The following GOLGA4 variants were observed in gnomAD, a reference collection of about 807,000 sequenced individuals.
GOLGA4 encodes golgin A4.
A neutral mutation model predicts 265.9 loss-of-function variants in GOLGA4; 169 were observed. That is an observed-to-expected ratio of 0.64 (90% confidence interval 0.56 to 0.72). The LOEUF is 0.72. Among genes scored for constraint, GOLGA4 ranks in the 30% least tolerant of loss-of-function variants. The pLI is 0.00. For missense variants in GOLGA4, 2,482 were observed against 2,483.4 expected (o/e 1.00, Z 0.01); for synonymous variants, 923 against 855.8 (o/e 1.08, Z -1.37).
chr3:37,326,153 ACT>A lies in GOLGA4; in HGVS notation c.4270_4271del (p.Leu1424GlufsTer2), dbSNP rs770084545. 3 of 1,613,360 alleles carry A rather than the reference ACT, an allele frequency of 1.9e-6. No individual in the cohort carries two copies. The highest frequency in any genetic ancestry group is 2.5e-6 in the Non-Finnish European group (3 of 1,179,576). ...GCAAGATTTATCTTTTAAAGTTGAC[ACT>A]CTGAGTAAAGAGAAAATTTCTGCTC... The part of the protein sequence containing the change: ...QVQDLSFKVD[T>X]LSKEKISALE... On this transcript the variant is annotated frameshift_variant, in exon 14 of 24. Coordinates refer to ENST00000361924, the MANE Select transcript of GOLGA4 (RefSeq NM_002078.5). LOFTEE classifies it high-confidence loss of function.
rs573397868 is a variant in GOLGA4 at position 37,319,282 on chromosome 3, A to C, written c.1545+88A>C. 22 of 1,058,678 alleles carry C rather than the reference A, an allele frequency of 2.1e-5. No homozygotes were observed. The East Asian group carries it at 5.0e-4, about 24-fold the overall frequency. The allele number at this position is 1,058,678 out of a possible 1,614,324, so 65.6% of individuals were successfully genotyped here. A position where few individuals can be genotyped will look rare whatever the true frequency, so the allele number is the denominator to read the frequency against. On this transcript the variant is annotated intron_variant, in intron 12 of 23. Transcript: ENST00000361924. ...CTCTCACTGTTGCATTCCAGTTGGA[A>C]GTCAGACTACTGGCAGTCTTGACGT...
intron 7 of GOLGA4, among the ~76,000 whole-genome samples, chr3:37,297,686 A>G (rs1171682373): frequency 2.0e-5 from 3 of 152,134 alleles, no homozygotes; most frequent in Non-Finnish European, 4.4e-5. Context: ...TTAGCTGACT[A>G]GGGTTGTCCC....
At chr3:37,327,928 C>T in intron 14 of GOLGA4, 103 bp downstream of exon 14, 1 of 890,538 alleles carries the variant, frequency 1.1e-6, no homozygotes, top group Non-Finnish European at 1.7e-6. Context: ...GGATAAGTTT[C>T]ACCAACCCAA....
intron 23 of GOLGA4, among the ~76,000 whole-genome samples, chr3:37,364,592 CTT>C (rs554906288): frequency 1.2e-3 from 155 of 128,170 alleles, no homozygotes; most frequent in Admixed American, 1.3e-3. Context: ...TATGTCATAG[CTT>C]TTTTTTTTTT....
chr3:37,315,177 C>T (rs2096934118), intron 10 of GOLGA4, among the ~76,000 whole-genome samples: 1 of 152,174 alleles, frequency 6.6e-6, no homozygotes, highest in Admixed American at 6.5e-5. Flanking sequence ...AACTTCTAAG[C>T]TTAGGCTCAT....
chr3:37,300,353 G>GTTCTTTAATATGCCGGGT (rs2096889442), intron 9 of GOLGA4, among the ~76,000 whole-genome samples: 1 of 152,142 alleles, frequency 6.6e-6, no homozygotes, highest in South Asian at 2.1e-4. Flanking sequence ...TATCACTAGA[G>GTTCTTTAATATGCCGGGT]TATTTTAAGT....
At chr3:37,283,739 C>G (rs575250179) in intron 3 of GOLGA4, among the ~76,000 whole-genome samples, 21 of 152,224 alleles carry the variant, frequency 1.4e-4, no homozygotes, top group African/African-American at 3.9e-4. Flanking sequence ...GTTGCCCAGC[C>G]TGGTCTTGAA....
intron 22 of GOLGA4, among the ~76,000 whole-genome samples, chr3:37,360,431 T>C (rs553827776): frequency 6.6e-6 from 1 of 152,300 alleles, no homozygotes; most frequent in Non-Finnish European, 1.5e-5. Flanking sequence ...GTTGCACATA[T>C]TATTTTCTAG....
At chr3:37,307,008 C>A (rs1453307338) in intron 10 of GOLGA4, among the ~76,000 whole-genome samples, 1 of 152,146 alleles carries the variant, frequency 6.6e-6, no homozygotes, top group African/African-American at 2.4e-5. Context: ...ACCCATGCCA[C>A]AATGTTAATC....
At chr3:37,256,880 C>T (rs1449670824) in intron 2 of GOLGA4, among the ~76,000 whole-genome samples, 2 of 152,072 alleles carry the variant, frequency 1.3e-5, no homozygotes, top group African/African-American at 4.8e-5. Context: ...GGCTGGCCTC[C>T]AACTCCTGGG....
chr3:37,286,579 C>G (rs2096850107), intron 4 of GOLGA4, among the ~76,000 whole-genome samples: 1 of 152,154 alleles, frequency 6.6e-6, no homozygotes, highest in African/African-American at 2.4e-5. Flanking sequence ...GATTTTACCT[C>G]TGTTAAGGAT....
At chr3:37,343,207 C>T (rs1420666591) in intron 20 of GOLGA4, among the ~76,000 whole-genome samples, 1 of 152,224 alleles carries the variant, frequency 6.6e-6, no homozygotes, top group Non-Finnish European at 1.5e-5. Context: ...CCGCAACCTC[C>T]ACCTCCCGGG....
intron 11 of GOLGA4, 36 bp downstream of exon 11, chr3:37,315,634 A>T (rs1183556907): frequency 8.5e-6 from 13 of 1,532,508 alleles, no homozygotes; most frequent in Non-Finnish European, 1.2e-5. Flanking sequence ...GGCTACAACA[A>T]ATTTGAAATT....
rs757843786 is a variant in GOLGA4 at position 37,316,800 on chromosome 3, A to AT, written c.1413+1211dup. ...CTGTGTATATAATTTCTCTTCTCTG[A>AT]TTTTTTTTTCTTTTCCTTATAGATG... On this transcript the variant is annotated intron_variant, in intron 11 of 23. Transcript: ENST00000361924. Among the ~76,000 whole-genome samples the AT allele has an allele frequency of 4.3e-4, 64 of 150,532 alleles. No individual in the cohort carries two copies. The East Asian group carries it at 8.6e-3, about 20-fold the overall frequency.
rs757953462 is a variant in GOLGA4, at chr3:37,315,515, A to G, written c.1330A>G (p.Ile444Val). ...AGAAATGGATGAACAAATAAAAACTATCGAAAAAACAAGTGAGGAGGAACG... is the reference window on the plus strand; with the variant it reads ...AGAAATGGATGAACAAATAAAAACTGTCGAAAAAACAAGTGAGGAGGAACG... Reference protein sequence around the residue: ...KAEMDEQIKTIEKTSEEERIS... With the variant: ...KAEMDEQIKTVEKTSEEERIS... The change falls in exon 11 of 24, where the codon ATC becomes GTC. Residue 444 changes from isoleucine (I) to valine (V), a missense_variant. By Grantham distance (29) the Ile-to-Val change is conservative. Transcript: ENST00000361924. 1.5e-5 allele frequency: 25 copies of G among 1,614,032 alleles called. No homozygotes were observed. The highest frequency in any genetic ancestry group is 5.0e-5 in the Admixed American group (3 of 60,024).
Position 37,325,912 on chromosome 3 carries a change from A to G in GOLGA4, c.4026A>G (p.Thr1342=). 1 of 1,613,076 alleles carries G rather than the reference A, an allele frequency of 6.2e-7. No homozygotes were observed. The highest frequency in any genetic ancestry group is 1.1e-5 in the South Asian group (1 of 91,008). The change falls in exon 14 of 24, where the codon ACA becomes ACG. Residue 1342 remains threonine (T), a synonymous_variant. Coordinates refer to ENST00000361924, the MANE Select transcript of GOLGA4 (RefSeq NM_002078.5). ...QAASEKESCI[T]QLKKELSENI... is the part of the protein sequence containing the mutation. ...CTTCTGAAAAGGAGTCTTGTATAACACAGTTGAAGAAAGAGTTATCTGAAA... is the reference window on the plus strand; with the variant it reads ...CTTCTGAAAAGGAGTCTTGTATAACGCAGTTGAAGAAAGAGTTATCTGAAA...
intron 2 of GOLGA4, among the ~76,000 whole-genome samples, chr3:37,270,815 C>G (rs940789604): frequency 6.6e-6 from 1 of 151,976 alleles, no homozygotes. Flanking sequence ...TGGGATGATT[C>G]GAGCGCATTA....
chr3:37,251,656 AT>A (rs2096734137), intron 2 of GOLGA4, among the ~76,000 whole-genome samples, 172 bp downstream of exon 2: 1 of 140,890 alleles, frequency 7.1e-6, no homozygotes, highest in Non-Finnish European at 1.5e-5. Context: ...AATAGCAGTT[AT>A]GATTTATGTC....
chr3:37,323,813 G>C lies in GOLGA4; in HGVS notation c.1927G>C (p.Glu643Gln), dbSNP rs2150959041. Reference protein sequence around the residue: ...VLKQQYQTEMEKLREKCEQEK... With the variant: ...VLKQQYQTEMQKLREKCEQEK... Reference sequence around the variant, plus strand: ...AAAGCAACAATATCAGACTGAAATGGAAAAACTTAGGGAAAAGTGTGAACA... The same window carrying C: ...AAAGCAACAATATCAGACTGAAATGCAAAAACTTAGGGAAAAGTGTGAACA... Residue 643 changes from glutamate (E) to glutamine (Q), a missense_variant, in exon 14 of 24, where the codon GAA becomes CAA. Physicochemically the swap from Glu to Gln is conservative, Grantham distance 29. Around this residue, in one of 3 missense-constraint regions of GOLGA4, gnomAD observed 1,536 missense variants for 1,483.7 expected, o/e 1.04. Coordinates refer to ENST00000361924, the MANE Select transcript of GOLGA4 (RefSeq NM_002078.5). 1 of 1,609,430 alleles carries C rather than the reference G, an allele frequency of 6.2e-7. No homozygotes were observed. The highest frequency in any genetic ancestry group is 8.5e-7 in the Non-Finnish European group (1 of 1,179,026).
Sources: gnomAD v4.1 joint callset for allele counts (sites outside exome capture counted in the v4.1 genomes callset) on GRCh38, gnomAD v4.1.1 for gene constraint, gnomAD v4.1.1 regional missense constraint, MANE v1.5 for transcripts, NCBI Gene and HGNC (gene_info 2026-07-23, HGNC 2026-07-21) for gene names.